Variants in CCNYL1 observed in about 807,000 individuals in gnomAD.
CCNYL1 encodes cyclin Y like 1, also known as cyclin-Y-like protein 1.
In CCNYL1, 16 loss-of-function variants were observed where a neutral mutation model predicts 44.2. The observed-to-expected ratio is 0.36, with a 90% CI of 0.25 to 0.55. The LOEUF (loss-of-function observed/expected upper bound fraction) is 0.55, where lower values mean the gene tolerates loss of function less well. Ranked by LOEUF, CCNYL1 falls within the 20% of genes least tolerant of loss-of-function variation. The pLI, the probability that CCNYL1 is intolerant of heterozygous loss-of-function variation, is 0.85. For synonymous variants in CCNYL1, 159 were observed against 163.2 expected, an observed-to-expected ratio of 0.97 and a Z score of 0.20; for missense variants, 348 against 451.8, an observed-to-expected ratio of 0.77 and a Z score of 2.08.
rs13424708 is a variant in CCNYL1 at position 207,755,235 on chromosome 2, T to A, written c.*1537T>A. Reference sequence around the variant, plus strand: ...CTGTAAAAAAAAATAATAAAAATAGTTGGATATGGTGGCATGTGTCTGTAG... The same window carrying A: ...CTGTAAAAAAAAATAATAAAAATAGATGGATATGGTGGCATGTGTCTGTAG... On this transcript the variant is annotated 3_prime_UTR_variant, in exon 10 of 10. Coordinates refer to ENST00000295414, the MANE Select transcript of CCNYL1 (RefSeq NM_001330218.2). 1.3e-5 allele frequency: 2 copies of A among 151,652 alleles called. No individual in the cohort carries two copies. The highest frequency in any genetic ancestry group is 4.8e-5 in the African/African-American group (2 of 41,238). The allele number at this position is 151,652 out of a possible 1,614,324, so 9.4% of individuals were successfully genotyped here.
At chr2:207,716,587 T>C (rs2091597382) in intron 1 of CCNYL1, among the ~76,000 whole-genome samples, 1 of 152,168 alleles carries the variant, frequency 6.6e-6, no homozygotes, top group African/African-American at 2.4e-5. Flanking sequence ...CTCTATCGCA[T>C]GCCTTCTAGT....
At chr2:207,742,868 A>C (rs1449243618) in intron 7 of CCNYL1, among the ~76,000 whole-genome samples, 1 of 152,212 alleles carries the variant, frequency 6.6e-6, no homozygotes, top group African/African-American at 2.4e-5. Context: ...GCAATGTGGT[A>C]CCAGCAATAC....
At chr2:207,749,270 A>T (rs1245280057) in intron 8 of CCNYL1, among the ~76,000 whole-genome samples, 1 of 152,182 alleles carries the variant, frequency 6.6e-6, no homozygotes, top group Non-Finnish European at 1.5e-5. Context: ...TTTAATATAC[A>T]TTTGTCTCAT....
intron 1 of CCNYL1, among the ~76,000 whole-genome samples, chr2:207,722,073 A>ATTTTTTTTT (rs397987558): frequency 8.4e-6 from 1 of 119,440 alleles, no homozygotes; most frequent in East Asian, 2.5e-4. Flanking sequence ...GTTGCCTTGG[A>ATTTTTTTTT]TTTTTTTTTT....
At chr2:207,738,566 A>G (rs2091782861) in intron 5 of CCNYL1, among the ~76,000 whole-genome samples, 1 of 152,080 alleles carries the variant, frequency 6.6e-6, no homozygotes, top group Non-Finnish European at 1.5e-5. Context: ...CTAGTTTCTT[A>G]AAATGGTTAC....
At chr2:207,727,329 T>A (rs2091688467) in intron 3 of CCNYL1, among the ~76,000 whole-genome samples, 1 of 152,180 alleles carries the variant, frequency 6.6e-6, no homozygotes, top group Non-Finnish European at 1.5e-5. Flanking sequence ...GTAATTGATG[T>A]TTACATTGTT....
At chr2:207,743,975 T>A (rs1312834553) in intron 7 of CCNYL1, among the ~76,000 whole-genome samples, 3 of 152,192 alleles carry the variant, frequency 2.0e-5, no homozygotes, top group Non-Finnish European at 2.9e-5. Context: ...AGAGGCAGAT[T>A]GAACAAAGTT....
intron 3 of CCNYL1, among the ~76,000 whole-genome samples, chr2:207,729,673 T>C (rs1268893027): frequency 6.6e-6 from 1 of 152,068 alleles, no homozygotes; most frequent in Non-Finnish European, 1.5e-5. Flanking sequence ...CCTTTCCTCC[T>C]TCCTTTCCCC....
Position 207,743,805 on chromosome 2 carries a change from G to GT in CCNYL1, c.639+1469dup, listed in dbSNP as rs1575221777. Reference sequence around the variant, plus strand: ...GTGCCTACTCTGTGCCACTATTCTTGTTTTTTGTTTTTGTTTTTGTTTTTG... The same window carrying GT: ...GTGCCTACTCTGTGCCACTATTCTTGTTTTTTTGTTTTTGTTTTTGTTTTTG... On this transcript the variant is annotated intron_variant, in intron 7 of 9. Coordinates refer to ENST00000295414, the MANE Select transcript of CCNYL1 (RefSeq NM_001330218.2). Among the ~76,000 whole-genome samples the GT allele has an allele frequency of 2.2e-5, 3 of 139,080 alleles. No individual in the cohort carries two copies. In the East Asian group the frequency reaches 7.6e-4, roughly 35 times the overall value. 91.2% of individuals were successfully genotyped at this position (139,080 alleles called of 152,430 possible). A position where few individuals can be genotyped will look rare whatever the true frequency, so the allele number is the denominator to read the frequency against.
At chr2:207,729,261 CCCCCACCCCACCCCCCCCA>C (rs1559167541) in intron 3 of CCNYL1, among the ~76,000 whole-genome samples, 3 of 87,912 alleles carry the variant, frequency 3.4e-5, no homozygotes, top group African/African-American at 1.9e-4. Context: ...CCCCCCCCCG[CCCCCACCCCACCCCCCCCA>C]CCCCCCCGCA....
At chr2:207,715,268 AAAACAAAC>A (rs142737145) in intron 1 of CCNYL1, among the ~76,000 whole-genome samples, 16 of 151,484 alleles carry the variant, frequency 1.1e-4, no homozygotes, top group Admixed American at 3.3e-4. Flanking sequence ...ACTCTGTCTC[AAAACAAAC>A]AAACAAACAA....
chr2:207,713,445 G>A (rs959495161), intron 1 of CCNYL1, among the ~76,000 whole-genome samples: 7 of 152,154 alleles, frequency 4.6e-5, no homozygotes, highest in Admixed American at 4.6e-4. Flanking sequence ...ACTCTAAACC[G>A]TTGAGGTAGG....
In CCNYL1 at chr2:207,747,358, A is replaced by G. The variant is rs147178345; in HGVS notation, c.806+145A>G. The G allele has an allele frequency of 1.6e-3, 927 of 587,604 alleles. 7 individuals are homozygous for G. Among genetic ancestry groups the G allele is most frequent in the African/African-American group, 0.015 (802 of 53,870 alleles). The allele number at this position is 587,604 out of a possible 1,614,324, so 36.4% of individuals were successfully genotyped here. On this transcript the variant is annotated intron_variant, in intron 8 of 9. Coordinates refer to ENST00000295414, the MANE Select transcript of CCNYL1 (RefSeq NM_001330218.2). The stretch of plus-strand genomic sequence containing the variant: ...AAGACTATATCTGTCTATCTTTAGT[A>G]TAACAGTTCACAATAGAGCAAGACT...
rs751013422 is a variant in CCNYL1 at position 207,751,127 on chromosome 2, T to G, written c.969+8T>G. 1 of 1,610,226 alleles carries G rather than the reference T, an allele frequency of 6.2e-7. No homozygotes were observed. Among genetic ancestry groups the G allele is most frequent in the South Asian group, 1.1e-5 (1 of 90,246 alleles). On this transcript the variant is annotated splice_region_variant and intron_variant, in intron 9 of 9. Transcript: ENST00000295414. ...AGAGCACAGAACCTAGAGGTAAGGC[T>G]ATGAAGTCACTAAGTGAGGTTTTCC...
chr2:207,738,813 G>T (rs1357618618), intron 5 of CCNYL1, among the ~76,000 whole-genome samples: 1 of 151,674 alleles, frequency 6.6e-6, no homozygotes, highest in East Asian at 1.9e-4. Flanking sequence ...TCCGCCTCCC[G>T]GGTTCAAGCG....
At chr2:207,726,956 G>A in intron 3 of CCNYL1, 80 bp downstream of exon 3, 2 of 995,306 alleles carry the variant, frequency 2.0e-6, no homozygotes, top group Admixed American at 2.8e-5. Context: ...AAATATAATG[G>A]GGACCCAATA....
At chr2:207,752,811 CG>C (rs56829401) in intron 9 of CCNYL1, among the ~76,000 whole-genome samples, 23,513 of 151,652 alleles carry the variant, frequency 0.16, 3,013 homozygotes, top group East Asian at 0.38. Flanking sequence ...CCGAGGCAGG[CG>C]GGATCACCTG....
intron 1 of CCNYL1, among the ~76,000 whole-genome samples, chr2:207,721,395 TA>T (rs2091639076): frequency 6.6e-6 from 1 of 152,242 alleles, no homozygotes; most frequent in Non-Finnish European, 1.5e-5. Flanking sequence ...TTTTAGCCTT[TA>T]GTAATAATGC....
intron 3 of CCNYL1, among the ~76,000 whole-genome samples, chr2:207,733,545 A>T (rs930734036): frequency 6.6e-6 from 1 of 152,244 alleles, no homozygotes; most frequent in Admixed American, 6.5e-5. Flanking sequence ...CATTTACTTC[A>T]ATAAAATGCT....
Sources: gnomAD v4.1 joint callset for allele counts (sites outside exome capture counted in the v4.1 genomes callset) on GRCh38, gnomAD v4.1.1 for gene constraint, MANE v1.5 for transcripts, NCBI Gene and HGNC (gene_info 2026-07-23, HGNC 2026-07-21) for gene names.